NKAIN2: variants seen among roughly 807,000 people sequenced by gnomAD.
The protein encoded by NKAIN2 is sodium/potassium-transporting ATPase subunit beta-1-interacting protein 2.
NKAIN2 carries 14 observed loss-of-function variants against 32.6 expected under a neutral mutation model. The ratio of observed to expected loss-of-function variants is 0.43; its 90% CI spans 0.28 to 0.67. The LOEUF is 0.67. NKAIN2 is among the 30% of genes least tolerant of loss of function. NKAIN2 has a pLI of 0.17. For missense variants in NKAIN2, 198 were observed against 258.3 expected (o/e 0.77, Z 1.60); for synonymous variants, 80 against 87.2 (o/e 0.92, Z 0.46).
chr6:123,905,020 A>G (rs1451998339), intron 1 of NKAIN2, among the ~76,000 whole-genome samples: 1 of 152,238 alleles, frequency 6.6e-6, no homozygotes. Flanking sequence ...TTGCTATTCT[A>G]TAATATTTTG....
intron 1 of NKAIN2, among the ~76,000 whole-genome samples, chr6:123,849,195 A>G (rs138216046): frequency 6.1e-4 from 93 of 152,264 alleles, no homozygotes; most frequent in African/African-American, 2.2e-3. Flanking sequence ...AAACTGATTC[A>G]CTCATCTTTA....
intron 3 of NKAIN2, among the ~76,000 whole-genome samples, chr6:124,581,774 A>C (rs2114940691): frequency 6.6e-6 from 1 of 152,344 alleles, no homozygotes; most frequent in South Asian, 2.1e-4. Context: ...GTCAATGAAG[A>C]AATTAAGCAG....
intron 3 of NKAIN2, among the ~76,000 whole-genome samples, chr6:124,382,995 A>G (rs1421184354): frequency 6.6e-6 from 1 of 151,974 alleles, no homozygotes; most frequent in Non-Finnish European, 1.5e-5. Context: ...GGTAAATGCT[A>G]TTTTCCTCCT....
At chr6:123,836,749 A>AC (rs1376427755) in intron 1 of NKAIN2, among the ~76,000 whole-genome samples, 1 of 152,162 alleles carries the variant, frequency 6.6e-6, no homozygotes, top group Non-Finnish European at 1.5e-5. Flanking sequence ...TGAGAAAAGT[A>AC]CAAATGGTTA....
chr6:124,764,669 C>G (rs762964509), intron 4 of NKAIN2, among the ~76,000 whole-genome samples: 12 of 152,164 alleles, frequency 7.9e-5, no homozygotes, highest in Non-Finnish European at 1.0e-4. Context: ...GCTTTGAATA[C>G]TAAACCATCT....
intron 3 of NKAIN2, among the ~76,000 whole-genome samples, chr6:124,453,564 A>G (rs1269352248): frequency 1.5e-5 from 2 of 131,930 alleles, no homozygotes; most frequent in African/African-American, 2.6e-5. Flanking sequence ...ATCCTTTCCA[A>G]TATGCAGCAT....
At chr6:124,112,782 C>T (rs562820103) in intron 1 of NKAIN2, among the ~76,000 whole-genome samples, 45 of 151,320 alleles carry the variant, frequency 3.0e-4, no homozygotes, top group Middle Eastern at 6.8e-3. Context: ...TTTACTCCTC[C>T]GAGTTATTTC....
chr6:124,173,449 T>G (rs1033098600), intron 1 of NKAIN2, among the ~76,000 whole-genome samples: 4 of 152,112 alleles, frequency 2.6e-5, no homozygotes, highest in Non-Finnish European at 5.9e-5. Flanking sequence ...AAAACTTCCC[T>G]TTCACAAAGA....
intron 3 of NKAIN2, among the ~76,000 whole-genome samples, chr6:124,409,179 G>A (rs563905825): frequency 3.3e-5 from 5 of 152,142 alleles, no homozygotes; most frequent in East Asian, 1.9e-4. Context: ...ACTGAATGCC[G>A]TTTATTTCCT....
intron 3 of NKAIN2, among the ~76,000 whole-genome samples, chr6:124,654,209 A>G (rs984269957): frequency 6.6e-6 from 1 of 152,180 alleles, no homozygotes; most frequent in African/African-American, 2.4e-5. Flanking sequence ...TTGCCTTTCA[A>G]TAGGGTACTA....
rs1190178707 is a variant in NKAIN2 at position 124,229,529 on chromosome 6, TAGATAGAC to T, written c.55-53472_55-53465del. Among the ~76,000 whole-genome samples, 20 of 147,044 alleles carry T rather than the reference TAGATAGAC, an allele frequency of 1.4e-4. No individual in the cohort carries two copies. The South Asian group carries it at 2.1e-3, about 16-fold the overall frequency. On this transcript the variant is annotated intron_variant, in intron 1 of 6. Coordinates refer to ENST00000368417, the MANE Select transcript of NKAIN2 (RefSeq NM_001040214.3). ...ATAGATAGATAGATAGATAGATAGA[TAGATAGAC>T]AGACAGACAGACAGACAGACAGACA...
At chr6:124,301,986 T>C (rs1339574139) in intron 2 of NKAIN2, among the ~76,000 whole-genome samples, 1 of 152,144 alleles carries the variant, frequency 6.6e-6, no homozygotes, top group Non-Finnish European at 1.5e-5. Context: ...TGGAATGATA[T>C]GGTTTAGCTG....
At chr6:124,462,214 A>G (rs967821565) in intron 3 of NKAIN2, among the ~76,000 whole-genome samples, 1 of 151,868 alleles carries the variant, frequency 6.6e-6, no homozygotes, top group African/African-American at 2.4e-5. Context: ...AAGAGAAGGA[A>G]AGAGAGTATG....
intron 3 of NKAIN2, among the ~76,000 whole-genome samples, chr6:124,615,072 T>C (rs1782834242): frequency 6.6e-6 from 1 of 152,212 alleles, no homozygotes; most frequent in Non-Finnish European, 1.5e-5. Flanking sequence ...TTCTGCCTTC[T>C]ACTCCTTCGC....
At chr6:123,934,618 G>A (rs1776416498) in intron 1 of NKAIN2, among the ~76,000 whole-genome samples, 1 of 152,044 alleles carries the variant, frequency 6.6e-6, no homozygotes, top group Non-Finnish European at 1.5e-5. Context: ...GGCCATGCTA[G>A]GATCTAAGAG....
At chr6:124,764,247 A>ATT (rs35682449) in intron 4 of NKAIN2, among the ~76,000 whole-genome samples, 3 of 151,978 alleles carry the variant, frequency 2.0e-5, no homozygotes, top group Non-Finnish European at 4.4e-5. Context: ...ACACAGGCAG[A>ATT]TTTTTTATAG....
intron 3 of NKAIN2, among the ~76,000 whole-genome samples, chr6:124,370,879 G>T (rs1460276179): frequency 6.6e-6 from 1 of 152,026 alleles, no homozygotes; most frequent in Non-Finnish European, 1.5e-5. Flanking sequence ...CAGTACACTC[G>T]ATTCACCAGA....
intron 1 of NKAIN2, among the ~76,000 whole-genome samples, chr6:124,065,832 T>C (rs1007409011): frequency 4.6e-5 from 7 of 152,202 alleles, no homozygotes; most frequent in African/African-American, 2.4e-5. Flanking sequence ...CTCACACTTA[T>C]AATATTTTAA....
chr6:124,762,820 AGGAGCAGGAGCAGGGGTGCCCCT>A (rs1229539229), intron 4 of NKAIN2, among the ~76,000 whole-genome samples: 1 of 152,172 alleles, frequency 6.6e-6, no homozygotes, highest in Non-Finnish European at 1.5e-5. Context: ...GTTGGTTTGC[AGGAGCAGGAGCAGGGGTGCCCCT>A]GGGTAAGAAG....
Sources: gnomAD v4.1 joint callset for allele counts (sites outside exome capture counted in the v4.1 genomes callset) on GRCh38, gnomAD v4.1.1 for gene constraint, MANE v1.5 for transcripts, NCBI Gene and HGNC (gene_info 2026-07-23, HGNC 2026-07-21) for gene names.